SEMA4D: variants seen among roughly 807,000 people sequenced by gnomAD.
The protein encoded by SEMA4D is semaphorin-4D.
Under a neutral mutation model 74.8 loss-of-function variants are expected in SEMA4D, and 22 were observed. The ratio of observed to expected loss-of-function variants is 0.29; its 90% CI spans 0.21 to 0.42. The LOEUF (loss-of-function observed/expected upper bound fraction) is 0.42, where lower values mean the gene tolerates loss of function less well. Among genes scored for constraint, SEMA4D ranks in the 10% least tolerant of loss-of-function variants. SEMA4D has a pLI of 1.00. For missense variants in SEMA4D, 937 were observed against 1,118.4 expected (o/e 0.84, Z 2.31); for synonymous variants, 445 against 463.7 (o/e 0.96, Z 0.52).
intron 2 of SEMA4D, among the ~76,000 whole-genome samples, chr9:89,435,933 T>C (rs1850296087): frequency 6.6e-6 from 1 of 152,238 alleles, no homozygotes; most frequent in African/African-American, 2.4e-5. Flanking sequence ...GCATGCTGAA[T>C]TGGCTGCCCA....
chr9:89,439,039 T>C (rs924109132), intron 2 of SEMA4D, among the ~76,000 whole-genome samples: 1 of 139,058 alleles, frequency 7.2e-6, no homozygotes, highest in Non-Finnish European at 1.5e-5. Context: ...TGGAATGCAA[T>C]GGCTTGATCT....
At chr9:89,382,288 G>A (rs1012562337) in intron 13 of SEMA4D, among the ~76,000 whole-genome samples, 4 of 152,250 alleles carry the variant, frequency 2.6e-5, no homozygotes, top group Non-Finnish European at 5.9e-5. Flanking sequence ...TCTGCCCAGG[G>A]CATCTGCCTC....
chr9:89,388,565 G>A, intron 11 of SEMA4D, 71 bp downstream of exon 11: 1 of 1,537,064 alleles, frequency 6.5e-7, no homozygotes, highest in Non-Finnish European at 8.7e-7. Context: ...GCAGGCCCCA[G>A]TGCCTGTACT....
In SEMA4D at chr9:89,379,633, G is replaced by A. The variant is rs368238272; in HGVS notation, c.1664-4C>T. The A allele has an allele frequency of 1.2e-6, 2 of 1,601,518 alleles. No homozygotes were observed. The highest frequency in any genetic ancestry group is 1.3e-5 in the African/African-American group (1 of 74,288). Reference sequence around the variant, plus strand: ...CGGTAACTTCCTTTACTTTTATCTGGAACATCAAAATAAACGTGCACAGCG... The same window carrying A: ...CGGTAACTTCCTTTACTTTTATCTGAAACATCAAAATAAACGTGCACAGCG... On this transcript the variant is annotated splice_polypyrimidine_tract_variant and splice_region_variant and intron_variant, in intron 15 of 15. Transcript: ENST00000422704.
At chr9:89,487,918 T>C (rs184609021) in intron 1 of SEMA4D, among the ~76,000 whole-genome samples, 161 of 152,330 alleles carry the variant, frequency 1.1e-3, no homozygotes, top group African/African-American at 3.8e-3. Context: ...TACAATGTTT[T>C]TTCCCAAATT....
At chr9:89,456,249 C>G (rs1855900902) in intron 1 of SEMA4D, among the ~76,000 whole-genome samples, 1 of 152,310 alleles carries the variant, frequency 6.6e-6, no homozygotes, top group Non-Finnish European at 1.5e-5. Flanking sequence ...GGCCAGGCAC[C>G]AACTTAGCAG....
intron 1 of SEMA4D, among the ~76,000 whole-genome samples, chr9:89,496,106 T>C (rs1825993322): frequency 6.6e-6 from 1 of 152,182 alleles, no homozygotes; most frequent in Non-Finnish European, 1.5e-5. Flanking sequence ...GACATCTCCC[T>C]GGCCCCAGAC....
chr9:89,485,154 G>A (rs753206977), intron 1 of SEMA4D, among the ~76,000 whole-genome samples: 9 of 152,138 alleles, frequency 5.9e-5, no homozygotes, highest in East Asian at 3.8e-4. Context: ...CATCTGACTC[G>A]CATTTTGGAC....
At chr9:89,374,760 A>T (rs184570693), downstream of SEMA4D, among the ~76,000 whole-genome samples, 43 of 152,322 alleles carry the variant, frequency 2.8e-4, no homozygotes, top group African/African-American at 9.6e-4. Flanking sequence ...CACATTTAAA[A>T]ATGTAACAGC....
chr9:89,395,200 TG>T (rs1840679128), intron 6 of SEMA4D, among the ~76,000 whole-genome samples: 1 of 151,980 alleles, frequency 6.6e-6, no homozygotes, highest in South Asian at 2.1e-4. Context: ...CCAAGGCGGG[TG>T]GATCACCTCA....
intron 2 of SEMA4D, among the ~76,000 whole-genome samples, chr9:89,417,871 G>T (rs913463444): frequency 4.6e-5 from 7 of 152,214 alleles, no homozygotes; most frequent in African/African-American, 1.7e-4. Flanking sequence ...AATCACTGTG[G>T]GTGCCCAGCA....
Position 89,381,132 on chromosome 9 carries a change from A to G in SEMA4D, c.1620-34T>C. The stretch of plus-strand genomic sequence containing the variant: ...CAACCGGCACGTGTTATTCACCCAC[A>G]CACATGGGGGACATCCCCAGGCAGC... On this transcript the variant is annotated intron_variant, in intron 14 of 15. Coordinates refer to ENST00000422704, the MANE Select transcript of SEMA4D (RefSeq NM_001371194.2). This position sits in a 1 kb window ranked among gnomAD's most constrained non-coding sequence, Gnocchi z 4.6. 1 of 1,614,062 alleles carries G rather than the reference A, an allele frequency of 6.2e-7. No homozygotes were observed. Among genetic ancestry groups the G allele is most frequent in the Non-Finnish European group, 8.5e-7 (1 of 1,180,012 alleles).
intron 2 of SEMA4D, among the ~76,000 whole-genome samples, chr9:89,430,699 G>A (rs901664222): frequency 3.9e-5 from 6 of 152,228 alleles, no homozygotes; most frequent in Non-Finnish European, 7.3e-5. Flanking sequence ...CAGATGGGCC[G>A]AGCGTGGTGG....
At chr9:89,383,858 T>C (rs939594236) in intron 13 of SEMA4D, among the ~76,000 whole-genome samples, 2 of 152,132 alleles carry the variant, frequency 1.3e-5, no homozygotes, top group Non-Finnish European at 2.9e-5. Flanking sequence ...TGTGCACTCC[T>C]GCCCCTCGAC....
intron 2 of SEMA4D, among the ~76,000 whole-genome samples, chr9:89,415,916 C>T (rs1323591967): frequency 2.0e-5 from 3 of 152,100 alleles, no homozygotes; most frequent in Admixed American, 6.5e-5. Flanking sequence ...ACTGGTGCTT[C>T]GGTCCCCCAG....
chr9:89,443,599 G>A (rs963474949), intron 2 of SEMA4D, among the ~76,000 whole-genome samples: 4 of 152,214 alleles, frequency 2.6e-5, no homozygotes, highest in Non-Finnish European at 4.4e-5. Flanking sequence ...GGTGGCGGAC[G>A]GCCCTGGCCC....
intron 2 of SEMA4D, among the ~76,000 whole-genome samples, chr9:89,432,107 C>A (rs1849403741): frequency 6.6e-6 from 1 of 152,090 alleles, no homozygotes; most frequent in South Asian, 2.1e-4. Flanking sequence ...ACCCTCTGGG[C>A]CCACCCTTAC....
chr9:89,363,829 G>A (rs1417210703), exon 17 of SEMA4D: 2 of 1,614,018 alleles, frequency 1.2e-6, no homozygotes, highest in Non-Finnish European at 1.7e-6. Context: ...TTTCCCTGAT[G>A]GCGTCCTGCA....
At chr9:89,420,635 C>T (rs958188127) in intron 2 of SEMA4D, among the ~76,000 whole-genome samples, 4 of 152,238 alleles carry the variant, frequency 2.6e-5, no homozygotes, top group African/African-American at 7.2e-5. Context: ...GACATGACCT[C>T]GCCTTCTGGG....
Sources: allele counts gnomAD v4.1 joint callset (sites outside exome capture counted in the v4.1 genomes callset), GRCh38; gene constraint gnomAD v4.1.1; non-coding constraint Gnocchi (gnomAD v3.1); transcripts MANE v1.5; gene names NCBI Gene and HGNC (gene_info 2026-07-23, HGNC 2026-07-21).